CA1: variants seen among roughly 807,000 people sequenced by gnomAD.
The protein encoded by CA1 is carbonic anhydrase 1, also known as carbonate dehydratase I.
A neutral mutation model predicts 28.8 loss-of-function variants in CA1; 27 were observed. The ratio of observed to expected loss-of-function variants is 0.94; its 90% confidence interval spans 0.69 to 1.29. The LOEUF is 1.29. Ranked by LOEUF, CA1 falls within the 50% of genes most tolerant of loss-of-function variation. The probability of loss-of-function intolerance (pLI) is 0.00; values close to 1 mark genes in which losing one functional copy is unlikely to be tolerated. For synonymous variants in CA1, 121 were observed against 108.8 expected (o/e 1.11, Z -0.70); for missense variants, 335 against 310.5 (o/e 1.08, Z -0.59).
At chr8:85,341,930 C>T in intron 1 of CA1, 1 of 294,652 alleles carries the variant, frequency 3.4e-6, no homozygotes, top group Non-Finnish European at 6.3e-6. Context: ...TCCTGTTTCA[C>T]TCATGTTAGT....
chr8:85,362,814 T>C (rs565970736), intron 1 of CA1, among the ~76,000 whole-genome samples: 2 of 152,208 alleles, frequency 1.3e-5, no homozygotes, highest in Non-Finnish European at 2.9e-5. Context: ...ATTGATTCTA[T>C]TGAAATTTTT....
intron 1 of CA1, among the ~76,000 whole-genome samples, chr8:85,367,145 GAAT>G (rs1466468980): frequency 1.3e-5 from 2 of 151,686 alleles, no homozygotes; most frequent in Non-Finnish European, 2.9e-5. Flanking sequence ...CTTGCCTTAA[GAAT>G]AAGCCAATAT....
Position 85,338,262 on chromosome 8 carries a change from A to T in CA1, c.225T>A (p.Asp75Glu). Residue 75 changes from aspartate (D) to glutamate (E), a missense_variant, in exon 3 of 8, where the codon GAT (aspartate) becomes GAA (glutamate). Transcript: ENST00000523022. Reference sequence around the variant, plus strand: ...GGTCTTTCAGCTCACCTGATCGGTTATCGTTGTCCTCAAAATTTACATGGA... The same window carrying T: ...GGTCTTTCAGCTCACCTGATCGGTTTTCGTTGTCCTCAAAATTTACATGGA... The part of the protein sequence containing the change: ...HSFHVNFEDN[D>E]NRSVLKGGPF... The T allele has an allele frequency of 6.2e-7, 1 of 1,613,548 alleles. No individual in the cohort carries two copies. Among genetic ancestry groups the T allele is most frequent in the South Asian group, 1.1e-5 (1 of 91,066 alleles).
chr8:85,357,795 C>T (rs1809655982), intron 1 of CA1, among the ~76,000 whole-genome samples: 1 of 152,122 alleles, frequency 6.6e-6, no homozygotes, highest in Non-Finnish European at 1.5e-5. Flanking sequence ...ATGAAACCCC[C>T]AGGAGGGTAG....
chr8:85,360,452 G>A (rs1284584837), intron 1 of CA1, among the ~76,000 whole-genome samples: 1 of 152,190 alleles, frequency 6.6e-6, no homozygotes, highest in African/African-American at 2.4e-5. Flanking sequence ...AGCACTTTGG[G>A]TGGTCAAGGC....
intron 1 of CA1, among the ~76,000 whole-genome samples, chr8:85,375,566 G>C (rs984291538): frequency 6.6e-6 from 1 of 151,970 alleles, no homozygotes; most frequent in Non-Finnish European, 1.5e-5. Flanking sequence ...ACAAATGTTG[G>C]CATGATAGAA....
At chr8:85,329,665 G>A in intron 7 of CA1, 24 bp downstream of exon 7, 4 of 1,595,190 alleles carry the variant, frequency 2.5e-6, no homozygotes, top group Non-Finnish European at 3.4e-6. Context: ...CGCATTCCCA[G>A]TTCCCATTCA....
intron 1 of CA1, among the ~76,000 whole-genome samples, chr8:85,353,665 A>T (rs1809493902): frequency 6.6e-6 from 1 of 151,486 alleles, no homozygotes; most frequent in South Asian, 2.1e-4. Context: ...TTTGGCCATT[A>T]TACAAAGAGT....
intron 1 of CA1, among the ~76,000 whole-genome samples, chr8:85,371,420 G>A (rs889108444): frequency 2.0e-4 from 16 of 80,054 alleles, no homozygotes; most frequent in African/African-American, 1.0e-3. Context: ...GTGTGTGTGC[G>A]TATACACACA....
chr8:85,346,874 C>T (rs778295940), intron 1 of CA1, among the ~76,000 whole-genome samples: 1 of 151,738 alleles, frequency 6.6e-6, no homozygotes, highest in Non-Finnish European at 1.5e-5. Context: ...TGATATAAAA[C>T]AAAACAGTGA....
intron 1 of CA1, among the ~76,000 whole-genome samples, chr8:85,367,953 A>G (rs1207930042): frequency 1.3e-5 from 2 of 152,126 alleles, no homozygotes; most frequent in African/African-American, 4.8e-5. Context: ...AATTGAAAGT[A>G]TTAAAGAATA....
rs75953460 is a variant in CA1 at position 85,338,436 on chromosome 8, C to T, written c.51G>A (p.Trp17Ter). The change falls in exon 3 of 8, where the codon TGG becomes TGA. Residue 17 changes from tryptophan (W) to a stop codon, truncating the protein, a stop_gained. Transcript: ENST00000523022. LOFTEE classifies it high-confidence loss of function. Reference sequence around the variant, plus strand: ...CATTGGCAATGGGATACAGCTTGCTCCATTGTTCAGGACCTACCAGGACAA... The same window carrying T: ...CATTGGCAATGGGATACAGCTTGCTTCATTGTTCAGGACCTACCAGGACAA... ...GYDDKNGPEQ[W>*]SKLYPIANGN... 77 of 1,613,862 alleles carry T rather than the reference C, an allele frequency of 4.8e-5. No homozygotes were observed. The East Asian group carries it at 1.6e-3, about 34-fold the overall frequency.
In CA1 at chr8:85,328,629, A is replaced by G; in HGVS notation, c.717T>C (p.Ala239=). Residue 239 remains alanine, a synonymous_variant, in exon 8 of 8, where the codon GCT becomes GCC. Coordinates refer to ENST00000523022, the MANE Select transcript of CA1 (RefSeq NM_001128831.4). The part of the protein sequence containing the change: ...SLLSNVEGDN[A]VPMQHNNRPT... ...GGCGGTTGTTGTGCTGCATGGGGACAGCGTTATCACCTTCAACATTTGATA... is the reference window on the plus strand; with the variant it reads ...GGCGGTTGTTGTGCTGCATGGGGACGGCGTTATCACCTTCAACATTTGATA... 4.3e-6 allele frequency: 7 copies of G among 1,611,618 alleles called. No individual in the cohort carries two copies. Among genetic ancestry groups the G allele is most frequent in the African/African-American group, 2.7e-5 (2 of 74,978 alleles).
chr8:85,338,694 C>T (rs539523218), intron 2 of CA1, among the ~76,000 whole-genome samples: 3 of 97,408 alleles, frequency 3.1e-5, no homozygotes, highest in African/African-American at 1.3e-4. Flanking sequence ...CCTTCTTTCT[C>T]TCTCTCTCTT....
chr8:85,362,753 C>T (rs1809847335), intron 1 of CA1, among the ~76,000 whole-genome samples: 1 of 152,142 alleles, frequency 6.6e-6, no homozygotes. Context: ...TGATGGATAT[C>T]ATTCAATTGG....
At chr8:85,344,136 T>TTATA (rs1341166252) in intron 1 of CA1, among the ~76,000 whole-genome samples, 18 of 137,860 alleles carry the variant, frequency 1.3e-4, no homozygotes, top group Non-Finnish European at 2.8e-4. Flanking sequence ...TAAATTTATA[T>TTATA]ATATAATTAT....
At chr8:85,365,128 A>G (rs1809954793) in intron 1 of CA1, among the ~76,000 whole-genome samples, 1 of 152,256 alleles carries the variant, frequency 6.6e-6, no homozygotes, top group African/African-American at 2.4e-5. Context: ...TAGTTATGGC[A>G]TCACCGGTAT....
At position 85,328,627 on chromosome 8, in the gene CA1, A is replaced by C. The variant is rs371314891; in HGVS notation, c.719T>G (p.Val240Gly). ...LLSNVEGDNAVPMQHNNRPTQ... is the reference protein window; with the variant it reads ...LLSNVEGDNAGPMQHNNRPTQ... ...TGGGCGGTTGTTGTGCTGCATGGGG[A>C]CAGCGTTATCACCTTCAACATTTGA... The change falls in exon 8 of 8, where the codon GTC (valine) becomes GGC (glycine). Residue 240 changes from valine (V) to glycine (G), a missense_variant. Transcript: ENST00000523022. 7 of 1,611,472 alleles carry C rather than the reference A, an allele frequency of 4.3e-6. No individual in the cohort carries two copies. The African/African-American group carries it at 9.4e-5, about 22-fold the overall frequency.
rs142569626 is a variant in CA1 at position 85,329,808 on chromosome 8, T to C, written c.550A>G (p.Thr184Ala). The C allele has an allele frequency of 9.3e-5, 149 of 1,599,546 alleles. No individual in the cohort carries two copies. The highest frequency in any genetic ancestry group is 5.1e-4 in the Admixed American group (30 of 58,588). ...AAATCCAGGGATGAAGGAAGGAGAG[T>C]AGAGGGGTCAAAATTTGTGAATGGG... Reference protein sequence around the residue: ...RAPFTNFDPSTLLPSSLDFWT... With the variant: ...RAPFTNFDPSALLPSSLDFWT... Residue 184 changes from threonine (T) to alanine (A), a missense_variant, in exon 7 of 8, where the codon ACT (threonine) becomes GCT (alanine). Coordinates refer to ENST00000523022, the MANE Select transcript of CA1 (RefSeq NM_001128831.4).
Sources: allele counts gnomAD v4.1 joint callset (sites outside exome capture counted in the v4.1 genomes callset), GRCh38; gene constraint gnomAD v4.1.1; transcripts MANE v1.5; gene names NCBI Gene and HGNC (gene_info 2026-07-23, HGNC 2026-07-21).